Variants in SMIM13 observed in about 807,000 individuals in gnomAD.
SMIM13 encodes small integral membrane protein 13.
Under a neutral mutation model 5.9 loss-of-function variants are expected in SMIM13, and 3 were observed. The ratio of observed to expected loss-of-function variants is 0.51; its 90% CI spans 0.23 to 1.31. The LOEUF (loss-of-function observed/expected upper bound fraction) is 1.31, where lower values mean the gene tolerates loss of function less well. Among genes scored for constraint, SMIM13 ranks in the 40% most tolerant of loss-of-function variants. The pLI, the probability that SMIM13 is intolerant of heterozygous loss-of-function variation, is 0.18. For missense variants in SMIM13, 85 were observed against 109.9 expected (o/e 0.77, Z 1.01); for synonymous variants, 55 against 46.0 (o/e 1.19, Z -0.79).
At chr6:11,098,086 G>C (rs1402092507) in intron 1 of SMIM13, among the ~76,000 whole-genome samples, 1 of 152,096 alleles carries the variant, frequency 6.6e-6, no homozygotes, top group African/African-American at 2.4e-5. Context: ...TGAATATTGA[G>C]TGTCTACCAG....
intron 1 of SMIM13, among the ~76,000 whole-genome samples, chr6:11,128,809 G>T (rs1166371617): frequency 6.6e-6 from 1 of 152,054 alleles, no homozygotes; most frequent in Non-Finnish European, 1.5e-5. Flanking sequence ...TGACAGGACA[G>T]CACTGAGTTT....
intron 1 of SMIM13, among the ~76,000 whole-genome samples, chr6:11,112,857 G>T (rs1581915721): frequency 6.6e-6 from 1 of 152,166 alleles, no homozygotes. Context: ...GCCCAAGCTG[G>T]AGTGCAGTGG....
intron 1 of SMIM13, 58 bp downstream of exon 1, chr6:11,094,447 G>GTTTTTTTT: frequency 7.9e-7 from 1 of 1,273,740 alleles, no homozygotes; most frequent in Non-Finnish European, 1.1e-6. Flanking sequence ...GATCTGCTGG[G>GTTTTTTTT]GTTTTTTTTG....
intron 1 of SMIM13, among the ~76,000 whole-genome samples, chr6:11,099,440 T>C (rs1757964848): frequency 6.6e-6 from 1 of 152,240 alleles, no homozygotes; most frequent in South Asian, 2.1e-4. Flanking sequence ...CCCAAAGTGC[T>C]GGGATTACAG....
intron 1 of SMIM13, among the ~76,000 whole-genome samples, chr6:11,111,965 G>C (rs1053031986): frequency 6.6e-6 from 1 of 152,138 alleles, no homozygotes; most frequent in East Asian, 1.9e-4. Context: ...CTGTCATTTT[G>C]CTTCTTAGTG....
intron 1 of SMIM13, among the ~76,000 whole-genome samples, chr6:11,108,502 T>C (rs966573893): frequency 6.6e-6 from 1 of 152,100 alleles, no homozygotes; most frequent in Admixed American, 6.6e-5. Context: ...CATGGAGAGC[T>C]GGGGGTGGGT....
At chr6:11,123,893 AG>A (rs796108322) in intron 1 of SMIM13, among the ~76,000 whole-genome samples, 14 of 152,294 alleles carry the variant, frequency 9.2e-5, no homozygotes, top group African/African-American at 3.1e-4. Flanking sequence ...GGTACATAGT[AG>A]GTACATATAT....
At chr6:11,100,774 T>C (rs901747842) in intron 1 of SMIM13, among the ~76,000 whole-genome samples, 1 of 152,242 alleles carries the variant, frequency 6.6e-6, no homozygotes, top group Non-Finnish European at 1.5e-5. Flanking sequence ...TAAAAATGGT[T>C]ACCCCATTGA....
chr6:11,097,493 T>TAA (rs112958222), intron 1 of SMIM13, among the ~76,000 whole-genome samples: 21 of 142,062 alleles, frequency 1.5e-4, no homozygotes, highest in African/African-American at 2.8e-4. Context: ...CCGTCTGTGC[T>TAA]AAAAAAAAAA....
chr6:11,116,978 G>GTTTTTTTTTTTTTTTTTTTTTTTTT (rs1561756849), intron 1 of SMIM13, among the ~76,000 whole-genome samples: 1 of 67,710 alleles, frequency 1.5e-5, no homozygotes. Flanking sequence ...AATGATAATT[G>GTTTTTTTTTTTTTTTTTTTTTTTTT]TTTCTTTTTT....
intron 1 of SMIM13, among the ~76,000 whole-genome samples, chr6:11,128,723 T>C (rs1467383358): frequency 6.6e-6 from 1 of 152,090 alleles, no homozygotes; most frequent in Non-Finnish European, 1.5e-5. Flanking sequence ...GTGGGCAATT[T>C]CCCTATGGTT....
intron 1 of SMIM13, among the ~76,000 whole-genome samples, chr6:11,101,535 T>G (rs1757990352): frequency 6.6e-6 from 1 of 152,060 alleles, no homozygotes; most frequent in African/African-American, 2.4e-5. Flanking sequence ...AAATCCATCT[T>G]GGAGGGGTTT....
chr6:11,101,850 C>T (rs1222246830), intron 1 of SMIM13, among the ~76,000 whole-genome samples: 1 of 151,892 alleles, frequency 6.6e-6, no homozygotes, highest in East Asian at 1.9e-4. Context: ...AGTGATTCTC[C>T]TGCCTCAGCC....
At chr6:11,103,834 G>A in intron 1 of SMIM13, 1 of 1,551,662 alleles carries the variant, frequency 6.4e-7, no homozygotes, top group South Asian at 1.2e-5. Flanking sequence ...AAAAGTAGGA[G>A]ACTAACAAGT....
rs34579750 is a variant in SMIM13, at chr6:11,117,165, A to ATTTT, written c.77-17225_77-17222dup. 8.7e-5 allele frequency among the ~76,000 whole-genome samples: 6 copies of ATTTT among 69,030 alleles called. 1 individual carries two copies. Among genetic ancestry groups the ATTTT allele is most frequent in the South Asian group, 4.4e-4 (1 of 2,274 alleles). 45.3% of individuals were successfully genotyped at this position (69,030 alleles called of 152,430 possible). ...GCCACCACGCCCGGCTAATTTTTGT[A>ATTTT]TTTTTTTTTTTTTTTTGAGACGGAG... is the stretch of plus-strand genomic sequence containing the variant. On this transcript the variant is annotated intron_variant, in intron 1 of 1. Coordinates refer to ENST00000416247, the MANE Select transcript of SMIM13 (RefSeq NM_001135575.2).
At chr6:11,109,378 A>C (rs1294270957) in intron 1 of SMIM13, among the ~76,000 whole-genome samples, 1 of 152,162 alleles carries the variant, frequency 6.6e-6, no homozygotes, top group Non-Finnish European at 1.5e-5. Context: ...GCATAACTTA[A>C]GGAGGTGGTG....
intron 1 of SMIM13, among the ~76,000 whole-genome samples, chr6:11,113,580 A>T (rs1232628034): frequency 6.6e-6 from 1 of 151,388 alleles, no homozygotes; most frequent in Admixed American, 6.6e-5. Context: ...TTGCCTTTTT[A>T]TTTTTATTTT....
rs1279931500 is a variant in SMIM13 at position 11,094,255 on chromosome 6, CCCGCGCTCACCGCCGT to C, written c.-52_-37del. On this transcript the variant is annotated 5_prime_UTR_variant, in exon 1 of 2. Transcript: ENST00000416247. ...CGCTGAAGCGCAGGACGCGCCGCCG[CCCGCGCTCACCGCCGT>C]CCGCGCCAGCCGCCCCGAGCCGACT... 27 of 1,124,862 alleles carry C rather than the reference CCCGCGCTCACCGCCGT, an allele frequency of 2.4e-5. No homozygotes were observed. The highest frequency in any genetic ancestry group is 3.0e-5 in the Non-Finnish European group (26 of 872,174). 69.7% of individuals were successfully genotyped at this position (1,124,862 alleles called of 1,614,324 possible).
intron 1 of SMIM13, among the ~76,000 whole-genome samples, chr6:11,132,744 G>C (rs1758467266): frequency 6.6e-6 from 1 of 152,152 alleles, no homozygotes; most frequent in Admixed American, 6.5e-5. Flanking sequence ...ACAGAGAGTA[G>C]ATTAGAGGTT....
Sources: allele counts gnomAD v4.1 joint callset (sites outside exome capture counted in the v4.1 genomes callset), GRCh38; gene constraint gnomAD v4.1.1; transcripts MANE v1.5; gene names NCBI Gene and HGNC (gene_info 2026-07-23, HGNC 2026-07-21).